SDK2: variants seen among roughly 807,000 people sequenced by gnomAD.
SDK2 encodes protein sidekick-2.
Under a neutral mutation model 253.9 loss-of-function variants are expected in SDK2, and 105 were observed. The observed-to-expected ratio is 0.41, with a 90% CI of 0.35 to 0.49. The LOEUF (loss-of-function observed/expected upper bound fraction) is 0.49, where lower values mean the gene tolerates loss of function less well. Among genes scored for constraint, SDK2 ranks in the 20% least tolerant of loss-of-function variants. The probability of loss-of-function intolerance (pLI) is 0.06; values close to 1 mark genes in which losing one functional copy is unlikely to be tolerated. For synonymous variants in SDK2, 1,249 were observed against 1,234.9 expected, an observed-to-expected ratio of 1.01 and a Z score of -0.24; for missense variants, 2,608 against 3,003.0, an observed-to-expected ratio of 0.87 and a Z score of 3.07.
At chr17:73,370,099 G>A (rs1008491266) in intron 36 of SDK2, among the ~76,000 whole-genome samples, 4 of 152,186 alleles carry the variant, frequency 2.6e-5, no homozygotes, top group African/African-American at 9.7e-5. Flanking sequence ...GCATGTCACC[G>A]GCTTTTCAAT....
chr17:73,390,548 G>T, intron 28 of SDK2, 67 bp from the exon 29 acceptor site: 1 of 1,481,492 alleles, frequency 6.7e-7, no homozygotes, highest in Non-Finnish European at 9.1e-7. Flanking sequence ...CCCGGGAAGG[G>T]TTGTTCCGTC....
Position 73,350,776 on chromosome 17 carries a change from G to T in SDK2, c.5773C>A (p.Pro1925Thr). The change falls in exon 42 of 45, where the codon CCC (proline) becomes ACC (threonine). Residue 1925 changes from proline to threonine, a missense_variant. By Grantham distance (38) the Pro-to-Thr change is conservative. Around this residue, in one of 2 missense-constraint regions of SDK2, gnomAD observed 1,103 missense variants for 1,143.9 expected, o/e 0.96. Coordinates refer to ENST00000392650, the MANE Select transcript of SDK2 (RefSeq NM_001144952.2). ...SQSVPAQKANPFYEEWWFLVV... is the reference protein window; with the variant it reads ...SQSVPAQKANTFYEEWWFLVV... Reference sequence around the variant, plus strand: ...AAGAACCACCACTCCTCATAGAAGGGGTTGGCTTTCTGGGCTGGAGCACAG... The same window carrying T: ...AAGAACCACCACTCCTCATAGAAGGTGTTGGCTTTCTGGGCTGGAGCACAG... The T allele has an allele frequency of 6.2e-7, 1 of 1,610,502 alleles. No homozygotes were observed. The highest frequency in any genetic ancestry group is 8.5e-7 in the Non-Finnish European group (1 of 1,178,766).
At chr17:73,398,512 G>A in intron 22 of SDK2, 83 bp from the exon 23 acceptor site, 1 of 1,216,186 alleles carries the variant, frequency 8.2e-7, no homozygotes. Context: ...GCCCTGCCAG[G>A]GAAGAAGTTG....
chr17:73,581,390 T>C (rs1234074189), intron 1 of SDK2, among the ~76,000 whole-genome samples: 2 of 152,208 alleles, frequency 1.3e-5, no homozygotes, highest in African/African-American at 4.8e-5. Context: ...ATTAGTTTCT[T>C]GGGCCTTCCA....
chr17:73,567,293 A>T (rs2145861064), intron 1 of SDK2, among the ~76,000 whole-genome samples: 1 of 152,368 alleles, frequency 6.6e-6, no homozygotes, highest in Non-Finnish European at 1.5e-5. Context: ...CACATGGTGA[A>T]GCCTGCAGGC....
chr17:73,354,831 G>A lies in SDK2; in HGVS notation c.5594-2194C>T, dbSNP rs554555757. On this transcript the variant is annotated intron_variant, in intron 40 of 44. Transcript: ENST00000392650. Reference sequence around the variant, plus strand: ...ACCCTCTGGTTGAAGCTGCTCTCCCGCCAGAGGTGTGCCCAGTTCAAGGCC... The same window carrying A: ...ACCCTCTGGTTGAAGCTGCTCTCCCACCAGAGGTGTGCCCAGTTCAAGGCC... Among the ~76,000 whole-genome samples, 6 of 152,140 alleles carry A rather than the reference G, an allele frequency of 3.9e-5. No homozygotes were observed. The South Asian group carries it at 1.2e-3, about 32-fold the overall frequency.
rs1271517627 is a variant in SDK2, at chr17:73,338,949, A to G, written c.6166-9T>C. 11 of 1,612,648 alleles carry G rather than the reference A, an allele frequency of 6.8e-6. No individual in the cohort carries two copies. Among genetic ancestry groups the G allele is most frequent in the Non-Finnish European group, 9.3e-6 (11 of 1,178,858 alleles). On this transcript the variant is annotated splice_polypyrimidine_tract_variant and intron_variant, in intron 44 of 44. Coordinates refer to ENST00000392650, the MANE Select transcript of SDK2 (RefSeq NM_001144952.2). The surrounding 1 kb of genome is among the most constrained non-coding windows in gnomAD (Gnocchi z 5.0). The stretch of plus-strand genomic sequence containing the variant: ...TACTCGCTGTCACTTCCCTGGGAGG[A>G]CAGAGAATCAGGGTGTGTCAGTGGC...
At chr17:73,477,356 G>T (rs559267248) in intron 2 of SDK2, among the ~76,000 whole-genome samples, 1 of 152,296 alleles carries the variant, frequency 6.6e-6, no homozygotes, top group East Asian at 1.9e-4. Flanking sequence ...TGGAGGAGCA[G>T]CAGGGCCGGA....
Position 73,361,182 on chromosome 17 carries a change from C to T in SDK2, c.5467+502G>A, listed in dbSNP as rs1361514189. On this transcript the variant is annotated intron_variant, in intron 39 of 44. Coordinates refer to ENST00000392650, the MANE Select transcript of SDK2 (RefSeq NM_001144952.2). This position sits in a 1 kb window ranked among gnomAD's most constrained non-coding sequence, Gnocchi z 4.1. ...TCTAAGTGCAGACTGCCAGGTCCCACCTCAGCCCCAGGAAATCAACCCCTC... is the reference window on the plus strand; with the variant it reads ...TCTAAGTGCAGACTGCCAGGTCCCATCTCAGCCCCAGGAAATCAACCCCTC... Among the ~76,000 whole-genome samples the T allele has an allele frequency of 6.6e-6, 1 of 152,094 alleles. No homozygotes were observed. Among genetic ancestry groups the T allele is most frequent in the Admixed American group, 6.5e-5 (1 of 15,278 alleles).
chr17:73,361,776 G>A lies in SDK2; in HGVS notation c.5375C>T (p.Ala1792Val), dbSNP rs541836618. 69 of 1,612,308 alleles carry A rather than the reference G, an allele frequency of 4.3e-5. No individual in the cohort carries two copies. The African/African-American group carries it at 5.1e-4, about 12-fold the overall frequency. The change falls in exon 39 of 45, where the codon GCG (alanine) becomes GTG (valine). Residue 1792 changes from alanine to valine, a missense_variant. By Grantham distance (64) the Ala-to-Val change is moderately conservative. Around this residue, in one of 2 missense-constraint regions of SDK2, gnomAD observed 1,103 missense variants for 1,143.9 expected, o/e 0.96. Coordinates refer to ENST00000392650, the MANE Select transcript of SDK2 (RefSeq NM_001144952.2). This position sits in a 1 kb window ranked among gnomAD's most constrained non-coding sequence, Gnocchi z 4.1. ...SPLWLKVKDL[A>V]EGVTYRFRIR... ...GCGGAACCTGTAGGTCACCCCCTCC[G>A]CCAGGTCCTTCACCTTCAGCCACAG...
intron 1 of SDK2, among the ~76,000 whole-genome samples, chr17:73,571,921 C>A (rs1567849813): frequency 6.6e-6 from 1 of 152,192 alleles, no homozygotes. Flanking sequence ...CATGGCCAAC[C>A]TCACGGCCCA....
chr17:73,447,885 C>T lies in SDK2; in HGVS notation c.480-137G>A. 1 of 913,428 alleles carries T rather than the reference C, an allele frequency of 1.1e-6. No individual in the cohort carries two copies. The highest frequency in any genetic ancestry group is 1.7e-5 in the South Asian group (1 of 60,176). The allele number at this position is 913,428 out of a possible 1,614,324, so 56.6% of individuals were successfully genotyped here. A position where few individuals can be genotyped will look rare whatever the true frequency, so the allele number is the denominator to read the frequency against. ...CCTCCCAGGGCCCCTCCTGCCACCCCCTCCCCAACCTCTTACTGCCTACAT... is the reference window on the plus strand; with the variant it reads ...CCTCCCAGGGCCCCTCCTGCCACCCTCTCCCCAACCTCTTACTGCCTACAT... On this transcript the variant is annotated intron_variant, in intron 4 of 44. Coordinates refer to ENST00000392650, the MANE Select transcript of SDK2 (RefSeq NM_001144952.2). This position sits in a 1 kb window ranked among gnomAD's most constrained non-coding sequence, Gnocchi z 4.0.
At chr17:73,434,436 C>T (rs1020814000) in intron 9 of SDK2, among the ~76,000 whole-genome samples, 6 of 152,190 alleles carry the variant, frequency 3.9e-5, no homozygotes, top group Admixed American at 2.0e-4. Flanking sequence ...AGAAGCAAGA[C>T]GGCAGCCCCT....
rs2145487283 is a variant in SDK2, at chr17:73,387,283, T to C, written c.4394+553A>G. 1.3e-5 allele frequency among the ~76,000 whole-genome samples: 2 copies of C among 152,256 alleles called. 1 individual carries two copies. The highest frequency in any genetic ancestry group is 4.1e-4 in the South Asian group (2 of 4,828). On this transcript the variant is annotated intron_variant, in intron 30 of 44. Transcript: ENST00000392650. ...CCTCTCTTTTTTAAATGTAGTAAAT[T>C]AGGGAGGAGCTGAGGTTCTCAAGAG...
intron 39 of SDK2, among the ~76,000 whole-genome samples, chr17:73,360,175 C>A (rs763740407): frequency 2.6e-5 from 4 of 152,186 alleles, no homozygotes; most frequent in Admixed American, 1.3e-4. Context: ...TGAGAGGCAG[C>A]GCGGGGCGGG....
chr17:73,431,808 G>A lies in SDK2; in HGVS notation c.1313-139C>T. ...CTGGAAGGAATGAGGACAGATGGCGGTGGGGCTGGGGTGGGGGCTGAGAGA... is the reference window on the plus strand; with the variant it reads ...CTGGAAGGAATGAGGACAGATGGCGATGGGGCTGGGGTGGGGGCTGAGAGA... On this transcript the variant is annotated intron_variant, in intron 10 of 44. Coordinates refer to ENST00000392650, the MANE Select transcript of SDK2 (RefSeq NM_001144952.2). The surrounding 1 kb of genome is among the most constrained non-coding windows in gnomAD (Gnocchi z 5.6). 2 of 934,202 alleles carry A rather than the reference G, an allele frequency of 2.1e-6. No homozygotes were observed. Among genetic ancestry groups the A allele is most frequent in the Non-Finnish European group, 3.1e-6 (2 of 650,594 alleles). 57.9% of individuals were successfully genotyped at this position (934,202 alleles called of 1,614,324 possible).
intron 38 of SDK2, among the ~76,000 whole-genome samples, chr17:73,363,324 C>T (rs911414794): frequency 1.1e-4 from 16 of 152,332 alleles, no homozygotes; most frequent in African/African-American, 3.8e-4. Context: ...ACCGCCTCGG[C>T]CTCCCGAAGT....
chr17:73,428,075 A>T (rs773235855), intron 12 of SDK2, among the ~76,000 whole-genome samples: 11 of 152,226 alleles, frequency 7.2e-5, no homozygotes, highest in Non-Finnish European at 1.5e-4. Flanking sequence ...GAAGACCAAC[A>T]GGCAAATGAA....
intron 2 of SDK2, among the ~76,000 whole-genome samples, chr17:73,487,581 C>T (rs567033623): frequency 3.2e-4 from 49 of 152,304 alleles, no homozygotes; most frequent in Admixed American, 9.8e-4. Context: ...CACCTGGGAG[C>T]GGGTCAGAAA....
Sources: gnomAD v4.1 joint callset for allele counts (sites outside exome capture counted in the v4.1 genomes callset) on GRCh38, gnomAD v4.1.1 for gene constraint, gnomAD v4.1.1 regional missense constraint, Gnocchi (gnomAD v3.1) non-coding constraint, MANE v1.5 for transcripts, NCBI Gene and HGNC (gene_info 2026-07-23, HGNC 2026-07-21) for gene names.